The following CHN2 variants were observed in gnomAD, a reference collection of about 807,000 sequenced individuals.
The protein encoded by CHN2 is beta-chimaerin.
In CHN2, 35 loss-of-function variants were observed where a neutral mutation model predicts 56.3. The observed-to-expected ratio is 0.62, with a 90% CI of 0.47 to 0.82. The LOEUF is 0.82. Ranked by LOEUF, CHN2 falls within the 40% of genes least tolerant of loss-of-function variation. CHN2 has a pLI of 0.00. For synonymous variants in CHN2, 210 were observed against 212.8 expected (o/e 0.99, Z 0.12); for missense variants, 491 against 580.5 (o/e 0.85, Z 1.58).
intron 1 of CHN2, among the ~76,000 whole-genome samples, chr7:29,221,979 T>C (rs573807226): frequency 6.6e-6 from 1 of 152,342 alleles, no homozygotes; most frequent in African/African-American, 2.4e-5. Flanking sequence ...ATATACCCAG[T>C]AATGGAATTG....
At position 29,220,318 on chromosome 7, in the gene CHN2, T is replaced by A. The variant is rs974288110; in HGVS notation, c.49+25328T>A. On this transcript the variant is annotated intron_variant, in intron 1 of 12. Transcript: ENST00000222792. ...AGAGAGAGAAAGCCAAAATAAGCAG[T>A]AATTATAGAAGTAGGAAACGATATA... Among the ~76,000 whole-genome samples the A allele has an allele frequency of 1.7e-3, 229 of 131,814 alleles. 1 individual carries two copies. The highest frequency in any genetic ancestry group is 6.0e-3 in the African/African-American group (214 of 35,856). 86.5% of individuals were successfully genotyped at this position (131,814 alleles called of 152,430 possible). A position where few individuals can be genotyped will look rare whatever the true frequency, so the allele number is the denominator to read the frequency against.
In CHN2 at chr7:29,219,373, A is replaced by G. The variant is rs368826725; in HGVS notation, c.49+24383A>G. ...CTCAATTAAAATGCTAATAAGGGAGAAAAAATATTTTTAAAAACACTTGAA... is the reference window on the plus strand; with the variant it reads ...CTCAATTAAAATGCTAATAAGGGAGGAAAAATATTTTTAAAAACACTTGAA... On this transcript the variant is annotated intron_variant, in intron 1 of 12. Transcript: ENST00000222792. Among the ~76,000 whole-genome samples the G allele has an allele frequency of 1.8e-4, 27 of 152,204 alleles. 2 individuals are homozygous for G. The highest frequency in any genetic ancestry group is 1.3e-3 in the East Asian group (7 of 5,204).
At chr7:29,473,698 G>A (rs1447178114) in intron 6 of CHN2, among the ~76,000 whole-genome samples, 4 of 151,872 alleles carry the variant, frequency 2.6e-5, no homozygotes, top group African/African-American at 7.3e-5. Flanking sequence ...GAAGCCCTCC[G>A]GGGGTTCTGA....
At chr7:29,165,456 T>A (rs1490018383) in intron 2 of CHN2, among the ~76,000 whole-genome samples, 1 of 152,224 alleles carries the variant, frequency 6.6e-6, no homozygotes, top group Admixed American at 6.5e-5. Context: ...TTAAATCACC[T>A]ATACTGGTTC....
intron 6 of CHN2, among the ~76,000 whole-genome samples, chr7:29,401,824 G>A (rs1802230431): frequency 6.6e-6 from 1 of 152,196 alleles, no homozygotes; most frequent in Non-Finnish European, 1.5e-5. Context: ...TTGTTTGAAA[G>A]GCACCACCAG....
At chr7:29,419,037 A>T (rs574986994) in intron 6 of CHN2, among the ~76,000 whole-genome samples, 7 of 152,312 alleles carry the variant, frequency 4.6e-5, no homozygotes, top group African/African-American at 1.7e-4. Context: ...CAGTGGGCAC[A>T]TGGTGGCAGT....
chr7:29,150,286 A>G (rs1793411200), intron 2 of CHN2, among the ~76,000 whole-genome samples: 2 of 152,218 alleles, frequency 1.3e-5, no homozygotes, highest in South Asian at 2.1e-4. Context: ...ACTATTAGCT[A>G]TCTTGCGGTA....
intron 1 of CHN2, among the ~76,000 whole-genome samples, chr7:29,307,425 G>A (rs190813540): frequency 3.4e-4 from 52 of 152,302 alleles, no homozygotes; most frequent in East Asian, 1.9e-3. Context: ...GTGGTGAACC[G>A]AATAATGGTC....
At chr7:29,351,088 AC>A (rs1190759968) in intron 1 of CHN2, among the ~76,000 whole-genome samples, 1 of 142,008 alleles carries the variant, frequency 7.0e-6, no homozygotes, top group Non-Finnish European at 1.5e-5. Flanking sequence ...AGCGTGGGCA[AC>A]GGAGCAAGAC....
chr7:29,205,957 C>T (rs1784491025), intron 1 of CHN2, among the ~76,000 whole-genome samples: 1 of 151,300 alleles, frequency 6.6e-6, no homozygotes, highest in Non-Finnish European at 1.5e-5. Flanking sequence ...CTGTATTCCT[C>T]TCTCTTTCCT....
intron 1 of CHN2, among the ~76,000 whole-genome samples, chr7:29,211,808 C>A (rs553375341): frequency 6.6e-6 from 1 of 151,516 alleles, no homozygotes; most frequent in African/African-American, 2.4e-5. Flanking sequence ...TGCTACACTG[C>A]GTAGCACTAT....
chr7:29,300,981 ATGAG>A (rs1424046454), intron 1 of CHN2, among the ~76,000 whole-genome samples: 1 of 151,436 alleles, frequency 6.6e-6, no homozygotes, highest in Non-Finnish European at 1.5e-5. Context: ...CAGAAATTGA[ATGAG>A]TATCTTTCCA....
intron 6 of CHN2, among the ~76,000 whole-genome samples, chr7:29,439,757 T>A (rs1014142427): frequency 1.3e-5 from 2 of 152,240 alleles, no homozygotes; most frequent in African/African-American, 4.8e-5. Flanking sequence ...ATTGAATAAA[T>A]GACCTAAGTA....
At chr7:29,280,663 G>T (rs1285578426) in intron 1 of CHN2, among the ~76,000 whole-genome samples, 1 of 152,170 alleles carries the variant, frequency 6.6e-6, no homozygotes, top group African/African-American at 2.4e-5. Flanking sequence ...AACAGAGAAG[G>T]CAGATGTTCA....
rs77814154 is a variant in CHN2, at chr7:29,159,087, C to T, written c.274+12127C>T. 3.6e-3 allele frequency among the ~76,000 whole-genome samples: 549 copies of T among 152,322 alleles called. 14 individuals are homozygous for T. The East Asian group carries it at 0.085, about 24-fold the overall frequency. ...TAAAGCCCATTAAGTCATTAGGTGG[C>T]TCTTCAGTGTTTTCCTAATGGGCTA... On this transcript the variant is annotated intron_variant, in intron 2 of 6. Transcript: ENST00000439384.
chr7:29,222,416 C>A (rs1785877047), intron 1 of CHN2, among the ~76,000 whole-genome samples: 1 of 151,948 alleles, frequency 6.6e-6, no homozygotes, highest in African/African-American at 2.4e-5. Flanking sequence ...CAATCCTAAG[C>A]AAAAAGAACA....
chr7:29,176,727 A>G (rs1259067622), intron 2 of CHN2, among the ~76,000 whole-genome samples: 4 of 152,228 alleles, frequency 2.6e-5, no homozygotes, highest in Non-Finnish European at 5.9e-5. Flanking sequence ...TAACGTTGAC[A>G]GTATAAAACA....
chr7:29,369,457 C>G (rs2128042603), intron 3 of CHN2, among the ~76,000 whole-genome samples: 1 of 152,122 alleles, frequency 6.6e-6, no homozygotes, highest in South Asian at 2.1e-4. Flanking sequence ...CAGCTCTGGC[C>G]TTGTTGTGGG....
At chr7:29,246,774 T>C (rs1381763569) in intron 1 of CHN2, among the ~76,000 whole-genome samples, 1 of 152,190 alleles carries the variant, frequency 6.6e-6, no homozygotes, top group Admixed American at 6.5e-5. Context: ...GCCTTCTTCC[T>C]CATAGATGGT....
Sources: allele counts gnomAD v4.1 joint callset (sites outside exome capture counted in the v4.1 genomes callset), GRCh38; gene constraint gnomAD v4.1.1; transcripts MANE v1.5; gene names NCBI Gene and HGNC (gene_info 2026-07-23, HGNC 2026-07-21).